The following ADRA1A variants were observed in gnomAD, a reference collection of about 807,000 sequenced individuals.
ADRA1A encodes the protein alpha-1A adrenergic receptor.
Under a neutral mutation model 29.6 loss-of-function variants are expected in ADRA1A, and 31 were observed. That is an observed-to-expected ratio of 1.05 (90% confidence interval 0.79 to 1.41). The LOEUF (loss-of-function observed/expected upper bound fraction) is 1.41, where lower values mean the gene tolerates loss of function less well. ADRA1A is among the 40% of genes most tolerant of loss of function. The probability of loss-of-function intolerance (pLI) is 0.00; values close to 1 mark genes in which losing one functional copy is unlikely to be tolerated. For synonymous variants in ADRA1A, 311 were observed against 254.3 expected (o/e 1.22, Z -2.12); for missense variants, 619 against 601.1 (o/e 1.03, Z -0.31).
rs959772452 is a variant in ADRA1A, at chr8:26,831,027, T to C, written c.883+33060A>G. Among the ~76,000 whole-genome samples, 7 of 152,270 alleles carry C rather than the reference T, an allele frequency of 4.6e-5. No homozygotes were observed. In the South Asian group the frequency reaches 8.3e-4, roughly 18 times the overall value. On this transcript the variant is annotated intron_variant, in intron 2 of 2. Coordinates refer to ENST00000380573, the MANE Select transcript of ADRA1A (RefSeq NM_000680.4). The surrounding 1 kb of genome is among the most constrained non-coding windows in gnomAD (Gnocchi z 5.2). ...GGATGCACTGTTACTTCCTGGACTTTGGGGGACTGAGGTCTTTTATAGTTA... is the reference window on the plus strand; with the variant it reads ...GGATGCACTGTTACTTCCTGGACTTCGGGGGACTGAGGTCTTTTATAGTTA...
At chr8:26,789,336 G>C (rs1446980324) in intron 2 of ADRA1A, among the ~76,000 whole-genome samples, 1 of 152,154 alleles carries the variant, frequency 6.6e-6, no homozygotes, top group Non-Finnish European at 1.5e-5. Flanking sequence ...GAATAGAATA[G>C]AGAATCCAGA....
rs1456812905 is a variant in ADRA1A at position 26,867,011 on chromosome 8, C to CT, written c.-763dup. On this transcript the variant is annotated 5_prime_UTR_variant, in exon 1 of 3. Transcript: ENST00000380573. ...GGCTTCGGTCCCGGGAGCTGCCTGC[C>CT]TGCTCTTCTCTGGAGGCGGAGAGGG... The CT allele has an allele frequency of 4.1e-6, 4 of 985,310 alleles. No individual in the cohort carries two copies. The highest frequency in any genetic ancestry group is 9.4e-5 in the South Asian group (2 of 21,266). The allele number at this position is 985,310 out of a possible 1,614,324, so 61.0% of individuals were successfully genotyped here.
At chr8:26,768,161 C>G (rs1805894119), downstream of ADRA1A, among the ~76,000 whole-genome samples, 1 of 152,082 alleles carries the variant, frequency 6.6e-6, no homozygotes. Context: ...GCAAACATAC[C>G]CTCCATTGCA....
downstream of ADRA1A, among the ~76,000 whole-genome samples, chr8:26,765,295 C>T (rs1468235703): frequency 4.6e-5 from 7 of 152,210 alleles, no homozygotes; most frequent in African/African-American, 1.4e-4. Context: ...GTCTGGGGAG[C>T]GTGAATGAGC....
At chr8:26,766,181 G>T (rs753930956), downstream of ADRA1A, 1 of 1,277,134 alleles carries the variant, frequency 7.8e-7, no homozygotes, top group South Asian at 1.2e-5. Flanking sequence ...TGGAATACAG[G>T]TGAGTGAGAG....
Position 26,864,669 on chromosome 8 carries a change from T to C in ADRA1A, c.301A>G (p.Ile101Val), listed in dbSNP as rs1585869659. Residue 101 changes from isoleucine to valine, a missense_variant, in exon 2 of 3, where the codon ATC (isoleucine) becomes GTC (valine). Physicochemically the swap from Ile to Val is conservative, Grantham distance 29. Coordinates refer to ENST00000380573, the MANE Select transcript of ADRA1A (RefSeq NM_000680.4). The surrounding 1 kb of genome is among the most constrained non-coding windows in gnomAD (Gnocchi z 8.1). ...CACAGCACATCCACTGCCGCCCAGA[T>C]GTTGCAGAAGACCCTGCCGAAGGCC... ...YWAFGRVFCN[I>V]WAAVDVLCCT... is the part of the protein sequence containing the mutation. The C allele has an allele frequency of 4.3e-6, 7 of 1,614,026 alleles. No individual in the cohort carries two copies. The highest frequency in any genetic ancestry group is 2.7e-5 in the African/African-American group (2 of 75,000).
At chr8:26,783,982 C>A (rs1272059438) in intron 2 of ADRA1A, among the ~76,000 whole-genome samples, 1 of 124,806 alleles carries the variant, frequency 8.0e-6, no homozygotes, top group Non-Finnish European at 1.7e-5. Flanking sequence ...TGAATGAACA[C>A]AGGGACACAA....
chr8:26,866,293 T>C lies in ADRA1A; in HGVS notation c.-686-638A>G, dbSNP rs1813903428. On this transcript the variant is annotated intron_variant, in intron 1 of 2. Coordinates refer to ENST00000380573, the MANE Select transcript of ADRA1A (RefSeq NM_000680.4). The surrounding 1 kb of genome is among the most constrained non-coding windows in gnomAD (Gnocchi z 5.7). ...ACCCGAAGACAGAAAGCGACCCAGG[T>C]CTGTCCACGACGCCTTTCCAAGCCT... Among the ~76,000 whole-genome samples the C allele has an allele frequency of 6.6e-6, 1 of 152,104 alleles. No homozygotes were observed. Among genetic ancestry groups the C allele is most frequent in the African/African-American group, 2.4e-5 (1 of 41,434 alleles).
intron 2 of ADRA1A, among the ~76,000 whole-genome samples, chr8:26,817,367 A>G (rs890091479): frequency 6.6e-6 from 1 of 152,216 alleles, no homozygotes; most frequent in Non-Finnish European, 1.5e-5. Flanking sequence ...GATGGCTAAA[A>G]CCAAAACGAA....
At chr8:26,822,972 C>G (rs1001903757) in intron 2 of ADRA1A, among the ~76,000 whole-genome samples, 1 of 152,158 alleles carries the variant, frequency 6.6e-6, no homozygotes. Context: ...TGAGAAACCA[C>G]CCTTTGAGTC....
intron 2 of ADRA1A, among the ~76,000 whole-genome samples, chr8:26,750,756 C>T (rs1337302262): frequency 6.6e-6 from 1 of 152,198 alleles, no homozygotes; most frequent in Non-Finnish European, 1.5e-5. Context: ...CAACACAGCT[C>T]TCCTGGTGAT....
rs555366324 is a variant in ADRA1A, at chr8:26,859,004, G to A, written c.883+5083C>T. ...GAGACTTCTCACAATATACAGGAAG[G>A]ACCTTTGCAGTCAAATAGCCTACTC... On this transcript the variant is annotated intron_variant, in intron 2 of 2. Coordinates refer to ENST00000380573, the MANE Select transcript of ADRA1A (RefSeq NM_000680.4). The A allele has an allele frequency of 1.7e-5, 20 of 1,199,772 alleles. 1 individual carries two copies. In the South Asian group the frequency reaches 1.9e-4, roughly 11 times the overall value. 74.3% of individuals were successfully genotyped at this position (1,199,772 alleles called of 1,614,324 possible).
intron 2 of ADRA1A, among the ~76,000 whole-genome samples, chr8:26,771,368 A>T (rs369353999): frequency 2.0e-5 from 3 of 152,008 alleles, no homozygotes; most frequent in African/African-American, 7.2e-5. Context: ...ACTAGTTGCT[A>T]TTTTTTCTCT....
At chr8:26,846,502 C>T (rs1210727525) in intron 2 of ADRA1A, among the ~76,000 whole-genome samples, 2 of 152,204 alleles carry the variant, frequency 1.3e-5, no homozygotes, top group Non-Finnish European at 2.9e-5. Context: ...GGCGCAGTGG[C>T]TCATGCCTGT....
chr8:26,808,102 CT>C (rs1442179025), intron 2 of ADRA1A, among the ~76,000 whole-genome samples: 3 of 152,206 alleles, frequency 2.0e-5, no homozygotes, highest in South Asian at 2.1e-4. Context: ...TTTATTTCCC[CT>C]ATCCCCCTTC....
chr8:26,809,566 G>A (rs1490975934), intron 2 of ADRA1A, among the ~76,000 whole-genome samples: 1 of 152,200 alleles, frequency 6.6e-6, no homozygotes, highest in Non-Finnish European at 1.5e-5. Context: ...TGGATAATAG[G>A]GAGGATCCCA....
At chr8:26,804,669 A>G (rs922116837) in intron 2 of ADRA1A, among the ~76,000 whole-genome samples, 4 of 152,134 alleles carry the variant, frequency 2.6e-5, no homozygotes, top group Admixed American at 1.3e-4. Flanking sequence ...TGGACAAATG[A>G]TCATATAAAG....
rs141153777 is a variant in ADRA1A, at chr8:26,768,893, G to A, written c.*1256C>T. The A allele has an allele frequency of 3.0e-4, 300 of 985,420 alleles. 1 individual carries two copies. In the African/African-American group the frequency reaches 4.8e-3, roughly 16 times the overall value. The allele number at this position is 985,420 out of a possible 1,614,324, so 61.0% of individuals were successfully genotyped here. A position where few individuals can be genotyped will look rare whatever the true frequency, so the allele number is the denominator to read the frequency against. ...TCCCCAAGCTCTTGCAGAAAAGTAG[G>A]AATAGATGAAGTTGAGTTGACTACT... On this transcript the variant is annotated 3_prime_UTR_variant, in exon 3 of 3. Transcript: ENST00000380573.
At chr8:26,850,045 C>CAAAAAACAAAAAACAAAAAAA (rs1554511739) in intron 2 of ADRA1A, among the ~76,000 whole-genome samples, 2 of 123,386 alleles carry the variant, frequency 1.6e-5, no homozygotes, top group East Asian at 2.4e-4. Flanking sequence ...AAACAAAAAA[C>CAAAAAACAAAAAACAAAAAAA]AAAAAAAAAA....
Sources: allele counts gnomAD v4.1 joint callset (sites outside exome capture counted in the v4.1 genomes callset), GRCh38; gene constraint gnomAD v4.1.1; non-coding constraint Gnocchi (gnomAD v3.1); transcripts MANE v1.5; gene names NCBI Gene and HGNC (gene_info 2026-07-23, HGNC 2026-07-21).